The following EPCIP variants were observed in gnomAD, a reference collection of about 807,000 sequenced individuals.
EPCIP encodes exosomal polycystin 1 interacting protein.
chr21:32,798,462 A>G, the EPCIP span: 1 of 152,276 alleles, frequency 6.6e-6, no homozygotes, highest in African/African-American at 2.4e-5. Context: ...CTCATGACCT[A>G]ACCCCAATTC....
chr21:32,808,921 C>T, the EPCIP span, among the ~76,000 whole-genome samples: 1 of 152,164 alleles, frequency 6.6e-6, no homozygotes, highest in African/African-American at 2.4e-5. Flanking sequence ...AGTTTTGTGA[C>T]AGCAGCAGAG....
At chr21:32,810,604 C>T in the EPCIP span, 1 of 471,428 alleles carries the variant, frequency 2.1e-6, no homozygotes. Flanking sequence ...CAGCTCAGTG[C>T]ATGGCTGTCT....
the EPCIP span, among the ~76,000 whole-genome samples, chr21:32,812,206 G>A: frequency 6.6e-6 from 1 of 152,156 alleles, no homozygotes; most frequent in Non-Finnish European, 1.5e-5. Flanking sequence ...GAGTGAATTA[G>A]GCAATGAGTG....
the EPCIP span, among the ~76,000 whole-genome samples, chr21:32,809,182 C>CGTGTGTGTGTGTGTGTGTGTGTGT: frequency 8.3e-6 from 1 of 121,096 alleles, no homozygotes; most frequent in Non-Finnish European, 1.7e-5. Flanking sequence ...TCGAGGGGTG[C>CGTGTGTGTGTGTGTGTGTGTGTGT]GTGTGTGTGT....
chr21:32,794,069 G>A, the EPCIP span: 1 of 1,614,186 alleles, frequency 6.2e-7, no homozygotes, highest in Admixed American at 1.7e-5. Context: ...ACCACAAATA[G>A]CCAGGTATTC....
At chr21:32,797,779 AT>A in the EPCIP span, 4 of 152,234 alleles carry the variant, frequency 2.6e-5, no homozygotes, top group African/African-American at 9.6e-5. Flanking sequence ...GTAAAAAAAA[AT>A]AAAAAAATAA....
chr21:32,806,792 C>G, the EPCIP span, among the ~76,000 whole-genome samples: 1 of 152,116 alleles, frequency 6.6e-6, no homozygotes, highest in Non-Finnish European at 1.5e-5. Context: ...GCGGGGCTTC[C>G]TTGTTGGTTT....
the EPCIP span, among the ~76,000 whole-genome samples, chr21:32,804,733 A>G: frequency 1.3e-4 from 20 of 152,324 alleles, no homozygotes; most frequent in Admixed American, 3.3e-4. Flanking sequence ...TAATTAATCC[A>G]ATCAGATTTA....
the EPCIP span, among the ~76,000 whole-genome samples, chr21:32,800,832 A>G: frequency 1.3e-5 from 2 of 152,116 alleles, no homozygotes; most frequent in Admixed American, 1.3e-4. Flanking sequence ...CCAAAAAAAA[A>G]AAAAACATGC....
chr21:32,793,244 A>G, the EPCIP span, among the ~76,000 whole-genome samples: 6 of 152,198 alleles, frequency 3.9e-5, no homozygotes, highest in Non-Finnish European at 8.8e-5. Flanking sequence ...GGTGTGAGCC[A>G]CTGTGCCCGA....
At chr21:32,792,627 A>C in the EPCIP span, among the ~76,000 whole-genome samples, 1 of 152,206 alleles carries the variant, frequency 6.6e-6, no homozygotes, top group Non-Finnish European at 1.5e-5. Flanking sequence ...AAAGGAAAAG[A>C]ATGTGAAAGG....
the EPCIP span, chr21:32,793,994 TG>T: frequency 6.2e-7 from 1 of 1,614,086 alleles, no homozygotes; most frequent in Non-Finnish European, 8.5e-7. Flanking sequence ...CCCACCGCTA[TG>T]GATGAGTAAG....
chr21:32,796,805 C>G, the EPCIP span: 1 of 343,434 alleles, frequency 2.9e-6, no homozygotes. Flanking sequence ...TCCCAGTAAC[C>G]CTGTTATCCC....
the EPCIP span, chr21:32,794,421 T>G: frequency 6.2e-7 from 1 of 1,610,316 alleles, no homozygotes. Flanking sequence ...GGTGGTGCCA[T>G]GCTTGCCCAG....
At chr21:32,813,214 C>G in the EPCIP span, among the ~76,000 whole-genome samples, 27 of 152,034 alleles carry the variant, frequency 1.8e-4, no homozygotes, top group African/African-American at 6.3e-4. Context: ...ATGGAAAAGT[C>G]TAGCCAGATG....
the EPCIP span, among the ~76,000 whole-genome samples, chr21:32,809,716 T>C: frequency 6.6e-6 from 1 of 152,126 alleles, no homozygotes; most frequent in Non-Finnish European, 1.5e-5. Context: ...ATGCTGGGTA[T>C]GTTGCCCTCT....
the EPCIP span, among the ~76,000 whole-genome samples, chr21:32,799,492 G>A: frequency 6.6e-6 from 1 of 152,136 alleles, no homozygotes; most frequent in Non-Finnish European, 1.5e-5. Flanking sequence ...TGGGGTGCCC[G>A]GGCCCTAGCT....
At chr21:32,792,794 G>A in the EPCIP span, among the ~76,000 whole-genome samples, 5 of 151,990 alleles carry the variant, frequency 3.3e-5, no homozygotes, top group Non-Finnish European at 7.4e-5. Flanking sequence ...CCCTATCCAT[G>A]CCTGTGGTAC....
At chr21:32,791,726 G>C in the EPCIP span, among the ~76,000 whole-genome samples, 1 of 149,870 alleles carries the variant, frequency 6.7e-6, no homozygotes, top group Non-Finnish European at 1.5e-5. Context: ...TCTATGTTAA[G>C]GTTAAGTGAA....
Sources: gnomAD v4.1 joint callset for allele counts (sites outside exome capture counted in the v4.1 genomes callset) on GRCh38, gnomAD v4.1.1 for gene constraint, MANE v1.5 for transcripts, NCBI Gene and HGNC (gene_info 2026-07-23, HGNC 2026-07-21) for gene names.